Variants in SPATA6L observed in about 807,000 individuals in gnomAD.
The protein encoded by SPATA6L is spermatogenesis associated 6-like protein.
In SPATA6L, 68 loss-of-function variants were observed where a neutral mutation model predicts 49.2. The ratio of observed to expected loss-of-function variants is 1.38; its 90% CI spans 1.14 to 1.69. The LOEUF (loss-of-function observed/expected upper bound fraction) is 1.69. SPATA6L is among the 40% of genes most tolerant of loss of function. SPATA6L has a pLI of 0.00. For missense variants in SPATA6L, 668 were observed against 464.3 expected, an observed-to-expected ratio of 1.44 and a Z score of -4.03; for synonymous variants, 198 against 165.7, an observed-to-expected ratio of 1.19 and a Z score of -1.50.
intron 6 of SPATA6L, among the ~76,000 whole-genome samples, chr9:4,624,067 C>G (rs1829889417): frequency 6.6e-6 from 1 of 152,198 alleles, no homozygotes; most frequent in Non-Finnish European, 1.5e-5. Flanking sequence ...TACTACAATT[C>G]ATAGTCTCTG....
intron 3 of SPATA6L, among the ~76,000 whole-genome samples, chr9:4,649,081 A>G (rs1487723296): frequency 2.6e-5 from 4 of 152,000 alleles, no homozygotes; most frequent in Non-Finnish European, 4.4e-5. Context: ...ACACACACAC[A>G]CACACACACA....
chr9:4,625,256 C>T, intron 6 of SPATA6L, 71 bp downstream of exon 6: 1 of 1,514,114 alleles, frequency 6.6e-7, no homozygotes, highest in East Asian at 2.3e-5. Context: ...TATAACTCAA[C>T]CTTCCTTTCT....
At chr9:4,654,235 T>C (rs372998078) in intron 3 of SPATA6L, among the ~76,000 whole-genome samples, 2 of 152,340 alleles carry the variant, frequency 1.3e-5, no homozygotes, top group African/African-American at 2.4e-5. Flanking sequence ...TGGTAAATAA[T>C]GTGAAACTTC....
At chr9:4,655,280 C>A (rs1279034254) in intron 3 of SPATA6L, among the ~76,000 whole-genome samples, 1 of 152,130 alleles carries the variant, frequency 6.6e-6, no homozygotes, top group Non-Finnish European at 1.5e-5. Context: ...ACTAAGAATT[C>A]AATCACAAAG....
At chr9:4,654,269 A>C (rs1311053082) in intron 3 of SPATA6L, among the ~76,000 whole-genome samples, 1 of 152,222 alleles carries the variant, frequency 6.6e-6, no homozygotes, top group Non-Finnish European at 1.5e-5. Flanking sequence ...ACATACAGTT[A>C]CCACATTGAA....
At chr9:4,650,761 G>A (rs1481601340) in intron 3 of SPATA6L, among the ~76,000 whole-genome samples, 1 of 151,806 alleles carries the variant, frequency 6.6e-6, no homozygotes, top group African/African-American at 2.4e-5. Context: ...CCAGGCTCAA[G>A]CAATTCTTCC....
intron 9 of SPATA6L, among the ~76,000 whole-genome samples, chr9:4,609,201 G>T (rs976142355): frequency 6.6e-6 from 1 of 151,356 alleles, no homozygotes; most frequent in Non-Finnish European, 1.5e-5. Context: ...ATTCACAGCC[G>T]AATTCTACCA....
At position 4,635,336 on chromosome 9, in the gene SPATA6L, A is replaced by T; in HGVS notation, c.290T>A (p.Leu97Gln). Residue 97 changes from leucine to glutamine, a missense_variant, in exon 4 of 12, where the codon CTG becomes CAG. Physicochemically the swap from Leu to Gln is moderately radical, Grantham distance 113 (BLOSUM62 -2). Transcript: ENST00000682582. ...TRDFLFPEPK[L>Q]TPSHPRRCRE... ...ACACCTCCTAGGGTGCGAAGGTGTC[A>T]GCTTGGGCTCTGGGAAAAGAAAATC... 1.3e-6 allele frequency: 2 copies of T among 1,590,588 alleles called. No individual in the cohort carries two copies. Among genetic ancestry groups the T allele is most frequent in the Non-Finnish European group, 1.7e-6 (2 of 1,171,796 alleles).
chr9:4,628,821 A>T, intron 5 of SPATA6L: 1 of 329,924 alleles, frequency 3.0e-6, no homozygotes, highest in Non-Finnish European at 5.4e-6. Context: ...AAAGCTAATT[A>T]GCTCACTTAC....
At chr9:4,660,720 A>C (rs959980189) in intron 2 of SPATA6L, among the ~76,000 whole-genome samples, 3 of 152,250 alleles carry the variant, frequency 2.0e-5, no homozygotes, top group African/African-American at 7.2e-5. Flanking sequence ...TACTATAAAG[A>C]CACATGCACA....
intron 1 of SPATA6L, chr9:4,663,359 G>A: frequency 7.8e-7 from 1 of 1,289,188 alleles, no homozygotes; most frequent in Non-Finnish European, 1.1e-6. Flanking sequence ...TCCCTCTTAG[G>A]CATTTCAGGC....
Position 4,604,220 on chromosome 9 carries a change from G to C in SPATA6L, c.1139C>G (p.Pro380Arg). ...TTCATGCAGTGAGTATTTCTTCAGA[G>C]GGTAGCTTGGTCTTTCAATGATATA... is the stretch of plus-strand genomic sequence containing the variant. ...VNYIIERPSY[P>R]LKKYSLHEQR... is the part of the protein sequence containing the mutation. The change falls in exon 11 of 12, where the codon CCT (proline) becomes CGT (arginine). Residue 380 changes from proline to arginine, a missense_variant. By Grantham distance (103) the Pro-to-Arg change is moderately radical (BLOSUM62 -2). Coordinates refer to ENST00000682582, the MANE Select transcript of SPATA6L (RefSeq NM_001353486.2). The C allele has an allele frequency of 2.5e-6, 4 of 1,612,234 alleles. No individual in the cohort carries two copies. Among genetic ancestry groups the C allele is most frequent in the South Asian group, 1.1e-5 (1 of 90,734 alleles).
chr9:4,662,808 C>T lies in SPATA6L; in HGVS notation c.40-772G>A, dbSNP rs1350109062. ...GCTGGAGATCTCGGGACACGGCATC[C>T]CCTGGCTGCTGGGCACCCTCTACTG... On this transcript the variant is annotated intron_variant, in intron 1 of 11. Coordinates refer to ENST00000682582, the MANE Select transcript of SPATA6L (RefSeq NM_001353486.2). This position sits in a 1 kb window ranked among gnomAD's most constrained non-coding sequence, Gnocchi z 4.9. 1 of 1,605,032 alleles carries T rather than the reference C, an allele frequency of 6.2e-7. No homozygotes were observed. Among genetic ancestry groups the T allele is most frequent in the Non-Finnish European group, 8.5e-7 (1 of 1,179,958 alleles).
chr9:4,599,818 T>C lies in SPATA6L; in HGVS notation c.*993A>G, dbSNP rs1028041891. 1.3e-5 allele frequency among the ~76,000 whole-genome samples: 2 copies of C among 152,146 alleles called. No homozygotes were observed. The highest frequency in any genetic ancestry group is 4.8e-5 in the African/African-American group (2 of 41,436). On this transcript the variant is annotated 3_prime_UTR_variant, in exon 12 of 12. Coordinates refer to ENST00000682582, the MANE Select transcript of SPATA6L (RefSeq NM_001353486.2). ...AGGTTAGGATTTCAACATACAAATGTTGAGGGGACACAAACATTCACACTA... is the reference window on the plus strand; with the variant it reads ...AGGTTAGGATTTCAACATACAAATGCTGAGGGGACACAAACATTCACACTA...
chr9:4,658,803 C>A (rs1027188151), intron 2 of SPATA6L, among the ~76,000 whole-genome samples: 2 of 152,010 alleles, frequency 1.3e-5, no homozygotes, highest in Non-Finnish European at 2.9e-5. Context: ...ACCAGCCTGG[C>A]CAACATGGTG....
intron 3 of SPATA6L, among the ~76,000 whole-genome samples, chr9:4,636,486 C>T (rs1766515173): frequency 6.6e-6 from 1 of 152,186 alleles, no homozygotes; most frequent in African/African-American, 2.4e-5. Context: ...CAGAAAGCTA[C>T]CATCTGAATC....
At chr9:4,637,040 C>T (rs1832947520) in intron 3 of SPATA6L, among the ~76,000 whole-genome samples, 1 of 152,160 alleles carries the variant, frequency 6.6e-6, no homozygotes, top group African/African-American at 2.4e-5. Flanking sequence ...TTCCAATGGG[C>T]TTCCCATCGC....
At chr9:4,619,566 C>G (rs1283823849) in intron 7 of SPATA6L, among the ~76,000 whole-genome samples, 9 of 152,092 alleles carry the variant, frequency 5.9e-5, no homozygotes, top group Non-Finnish European at 1.3e-4. Flanking sequence ...TGAGCAGGCG[C>G]CCAGAACCTA....
intron 10 of SPATA6L, 36 bp from the exon 11 acceptor site, chr9:4,604,305 A>ATGGG: frequency 1.2e-5 from 17 of 1,372,940 alleles, no homozygotes; most frequent in Non-Finnish European, 1.7e-5. Context: ...TATGTTACCC[A>ATGGG]TAACATAATA....
Sources: gnomAD v4.1 joint callset for allele counts (sites outside exome capture counted in the v4.1 genomes callset) on GRCh38, gnomAD v4.1.1 for gene constraint, Gnocchi (gnomAD v3.1) non-coding constraint, MANE v1.5 for transcripts, NCBI Gene and HGNC (gene_info 2026-07-23, HGNC 2026-07-21) for gene names.